The following HHIPL1 variants were observed in gnomAD, a reference collection of about 807,000 sequenced individuals.
HHIPL1 encodes the protein HHIP-like protein 1.
In HHIPL1, 43 loss-of-function variants were observed where a neutral mutation model predicts 61.8. The observed-to-expected ratio is 0.70, with a 90% CI of 0.55 to 0.90. The LOEUF is 0.90. Ranked by LOEUF, HHIPL1 falls within the 40% of genes least tolerant of loss-of-function variation. The pLI, the probability that HHIPL1 is intolerant of heterozygous loss-of-function variation, is 0.00. For synonymous variants in HHIPL1, 482 were observed against 515.8 expected, an observed-to-expected ratio of 0.93 and a Z score of 0.89; for missense variants, 1,056 against 1,157.7, an observed-to-expected ratio of 0.91 and a Z score of 1.28.
chr14:99,607,049 G>GTTT, the HHIPL1 span, among the ~76,000 whole-genome samples: 602 of 92,164 alleles, frequency 6.5e-3, 14 homozygotes, highest in Middle Eastern at 9.5e-3. Context: ...TTTTTTTTTG[G>GTTT]CTAAGACAGG....
the HHIPL1 span, among the ~76,000 whole-genome samples, chr14:99,616,522 T>TC: frequency 2.0e-5 from 3 of 152,314 alleles, no homozygotes; most frequent in Admixed American, 2.0e-4. Context: ...CGAGAGTGTC[T>TC]CAAGCTGGAG....
chr14:99,644,294 C>CA (rs566150738), upstream of HHIPL1, among the ~76,000 whole-genome samples: 17 of 152,226 alleles, frequency 1.1e-4, no homozygotes, highest in Non-Finnish European at 2.4e-4. Flanking sequence ...AAGGACACTC[C>CA]AGGGAGAAGC....
At chr14:99,649,888 C>T (rs12880985) in intron 1 of HHIPL1, among the ~76,000 whole-genome samples, 9 of 152,340 alleles carry the variant, frequency 5.9e-5, no homozygotes, top group Non-Finnish European at 1.0e-4. Context: ...CCCTGGTCCA[C>T]GTGCAGCTGC....
Position 99,675,251 on chromosome 14 carries a change from G to T in HHIPL1, c.1974G>T (p.Arg658=). The T allele has an allele frequency of 8.1e-7, 1 of 1,230,168 alleles. No individual in the cohort carries two copies. Among genetic ancestry groups the T allele is most frequent in the Admixed American group, 4.3e-5 (1 of 23,148 alleles). The allele number at this position is 1,230,168 out of a possible 1,614,324, so 76.2% of individuals were successfully genotyped here. ...PGSRRGGGRR[R]GRLNSASRAF... ...GCCGGAGGGGCGGCGGGCGGCGGCG[G>T]GGGCGGCTGAACTCGGCGAGCCGGG... The change falls in exon 9 of 9, where the codon CGG becomes CGT. Residue 658 remains arginine, a synonymous_variant. Transcript: ENST00000330710. The surrounding 1 kb of genome is among the most constrained non-coding windows in gnomAD (Gnocchi z 5.4).
chr14:99,628,756 C>A, the HHIPL1 span, among the ~76,000 whole-genome samples: 2 of 152,084 alleles, frequency 1.3e-5, no homozygotes, highest in Non-Finnish European at 2.9e-5. Flanking sequence ...TTGCACAGTC[C>A]AGTGGGTCCC....
chr14:99,662,692 G>A (rs73348562), intron 5 of HHIPL1, among the ~76,000 whole-genome samples, 184 bp from the exon 6 acceptor site: 5,904 of 152,302 alleles, frequency 0.039, 364 homozygotes, highest in African/African-American at 0.13. Context: ...CGGGCTCTGC[G>A]AATTGTGTAT....
chr14:99,646,695 C>A (rs1265758934), intron 1 of HHIPL1, among the ~76,000 whole-genome samples: 1 of 151,770 alleles, frequency 6.6e-6, no homozygotes, highest in Non-Finnish European at 1.5e-5. Flanking sequence ...AAGCACTTGA[C>A]TCTGGGAGGC....
intron 6 of HHIPL1, among the ~76,000 whole-genome samples, chr14:99,665,015 G>A (rs545258839): frequency 4.6e-5 from 7 of 151,242 alleles, no homozygotes; most frequent in South Asian, 4.2e-4. Flanking sequence ...TCCACCTCCC[G>A]GGTTCAAGCG....
At chr14:99,669,182 A>G in intron 7 of HHIPL1, 1 of 1,298,568 alleles carries the variant, frequency 7.7e-7, no homozygotes, top group African/African-American at 1.5e-5. Context: ...CCAAGCCTGT[A>G]TCTCTTCACT....
intron 6 of HHIPL1, among the ~76,000 whole-genome samples, chr14:99,664,250 C>T (rs555726165): frequency 1.3e-5 from 2 of 152,194 alleles, no homozygotes; most frequent in South Asian, 4.2e-4. Context: ...GCTCAGTGCC[C>T]AGAGCCCCCA....
At chr14:99,658,314 G>A (rs146675425) in intron 3 of HHIPL1, among the ~76,000 whole-genome samples, 36 of 152,304 alleles carry the variant, frequency 2.4e-4, no homozygotes, top group African/African-American at 7.9e-4. Flanking sequence ...CATGTGACGC[G>A]TGGGTTCAGG....
intron 5 of HHIPL1, among the ~76,000 whole-genome samples, chr14:99,661,185 C>A (rs1051159131): frequency 4.6e-5 from 7 of 152,160 alleles, no homozygotes; most frequent in African/African-American, 7.2e-5. Flanking sequence ...CTAAAGAGGC[C>A]CAAGGGCAGG....
chr14:99,659,844 GCAC>G (rs1427067498), intron 4 of HHIPL1, 88 bp downstream of exon 4: 35,687 of 301,138 alleles, frequency 0.12, 2,020 homozygotes, highest in East Asian at 0.18. Flanking sequence ...CTCGGAGACC[GCAC>G]CCCCCCCCCC....
intron 1 of HHIPL1, among the ~76,000 whole-genome samples, chr14:99,648,882 G>A (rs561151597): frequency 6.6e-6 from 1 of 152,326 alleles, no homozygotes; most frequent in South Asian, 2.1e-4. Flanking sequence ...TCAGGACCCA[G>A]GGCCATGAGT....
At chr14:99,626,090 G>A in the HHIPL1 span, among the ~76,000 whole-genome samples, 14 of 152,198 alleles carry the variant, frequency 9.2e-5, no homozygotes, top group Admixed American at 1.3e-4. Context: ...AGGAGTCACC[G>A]AGAGATGACT....
the HHIPL1 span, among the ~76,000 whole-genome samples, chr14:99,631,090 T>TTCTTTCTTTCTTTCTTTCTCTC: frequency 2.1e-5 from 3 of 143,780 alleles, no homozygotes; most frequent in Non-Finnish European, 4.6e-5. Context: ...CTTTCTTTCT[T>TTCTTTCTTTCTTTCTTTCTCTC]TCTTTCTTTC....
intron 2 of HHIPL1, 139 bp downstream of exon 2, chr14:99,653,009 G>C (rs146112975): frequency 8.1e-6 from 7 of 861,232 alleles, no homozygotes; most frequent in African/African-American, 6.8e-5. Flanking sequence ...TCATGCTTTG[G>C]GGCCTGGAGA....
the HHIPL1 span, among the ~76,000 whole-genome samples, chr14:99,610,464 T>G: frequency 6.6e-6 from 1 of 152,148 alleles, no homozygotes; most frequent in Non-Finnish European, 1.5e-5. Context: ...TTCTCCCTTA[T>G]AAGATAGTGT....
Position 99,679,498 on chromosome 14 carries a change from G to A in HHIPL1, c.*3872G>A, listed in dbSNP as rs1239135501. On this transcript the variant is annotated 3_prime_UTR_variant, in exon 9 of 9. Transcript: ENST00000330710. ...GCTGCAGGGGTGGCCCAGTGTCCAG[G>A]ACTGTGTTCAAGACATCAGTCAGAG... 6.6e-6 allele frequency: 1 copy of A among 152,382 alleles called. No homozygotes were observed. Among genetic ancestry groups the A allele is most frequent in the East Asian group, 1.9e-4 (1 of 5,196 alleles). 9.4% of individuals were successfully genotyped at this position (152,382 alleles called of 1,614,324 possible). A position where few individuals can be genotyped will look rare whatever the true frequency, so the allele number is the denominator to read the frequency against.
Sources: gnomAD v4.1 joint callset for allele counts (sites outside exome capture counted in the v4.1 genomes callset) on GRCh38, gnomAD v4.1.1 for gene constraint, Gnocchi (gnomAD v3.1) non-coding constraint, MANE v1.5 for transcripts, NCBI Gene and HGNC (gene_info 2026-07-23, HGNC 2026-07-21) for gene names.